SERPINB2: variants seen among roughly 807,000 people sequenced by gnomAD.
SERPINB2 encodes plasminogen activator inhibitor 2.
A neutral mutation model predicts 39.4 loss-of-function variants in SERPINB2; 28 were observed. The ratio of observed to expected loss-of-function variants is 0.71; its 90% CI spans 0.53 to 0.97. SERPINB2 has a LOEUF of 0.97. SERPINB2 is among the 50% of genes least tolerant of loss of function. The probability of loss-of-function intolerance (pLI) is 0.00; values close to 1 mark genes in which losing one functional copy is unlikely to be tolerated. For missense variants in SERPINB2, 557 were observed against 505.3 expected, an observed-to-expected ratio of 1.10 and a Z score of -0.98; for synonymous variants, 209 against 175.1, an observed-to-expected ratio of 1.19 and a Z score of -1.53.
At chr18:63,900,501 G>A (rs1366899776) in intron 5 of SERPINB2, among the ~76,000 whole-genome samples, 1 of 152,168 alleles carries the variant, frequency 6.6e-6, no homozygotes, top group Non-Finnish European at 1.5e-5. Context: ...CTGCAGAGAA[G>A]GGCTACCCCA....
chr18:63,893,758 TAAC>T (rs2049941701), intron 2 of SERPINB2, among the ~76,000 whole-genome samples: 3 of 152,216 alleles, frequency 2.0e-5, no homozygotes, highest in Non-Finnish European at 4.4e-5. Flanking sequence ...GTTGCTATAA[TAAC>T]AACCAATACT....
chr18:63,892,590 G>A (rs1193482510), intron 2 of SERPINB2: 2 of 152,184 alleles, frequency 1.3e-5, no homozygotes, highest in African/African-American at 2.4e-5. Context: ...AGATGCCGCC[G>A]GCTGGTTTCC....
At chr18:63,894,433 C>T (rs912415856) in intron 2 of SERPINB2, among the ~76,000 whole-genome samples, 2 of 152,134 alleles carry the variant, frequency 1.3e-5, no homozygotes, top group Non-Finnish European at 2.9e-5. Context: ...TAGCAGAACC[C>T]CAACCATCAA....
chr18:63,890,203 A>G (rs1234965247), intron 1 of SERPINB2: 1 of 152,132 alleles, frequency 6.6e-6, no homozygotes, highest in Non-Finnish European at 1.5e-5. Context: ...AATTCCAATC[A>G]CTTTCTTAAA....
intron 2 of SERPINB2, chr18:63,892,505 CT>C (rs1307820176): frequency 6.6e-6 from 1 of 152,218 alleles, no homozygotes; most frequent in Non-Finnish European, 1.5e-5. Context: ...ATTAAAATTC[CT>C]TTGCATTCAC....
At chr18:63,898,190 A>G (rs1363787264) in intron 5 of SERPINB2, among the ~76,000 whole-genome samples, 4 of 152,194 alleles carry the variant, frequency 2.6e-5, no homozygotes. Flanking sequence ...ACAAGGCTTG[A>G]CCCTGAGCTT....
chr18:63,902,481 G>T lies in SERPINB2; in HGVS notation c.756G>T (p.Gln252His), dbSNP rs774143314. ...NIGYIEDLKA[Q>H]ILELPYAGDV... ...GATACATAGAAGACCTAAAGGCTCA[G>T]ATTCTAGAACTCCCATATGCTGGAG... Residue 252 changes from glutamine (Q) to histidine (H), a missense_variant, in exon 7 of 8, where the codon CAG becomes CAT. Transcript: ENST00000299502. 1.9e-6 allele frequency: 3 copies of T among 1,613,600 alleles called. No homozygotes were observed. Among genetic ancestry groups the T allele is most frequent in the African/African-American group, 1.3e-5 (1 of 74,910 alleles).
intron 2 of SERPINB2, among the ~76,000 whole-genome samples, chr18:63,892,268 CACA>C (rs1262972034): frequency 6.6e-6 from 1 of 152,166 alleles, no homozygotes; most frequent in Non-Finnish European, 1.5e-5. Flanking sequence ...AGATGGGATG[CACA>C]ACATCATTGT....
rs765237886 is a variant in SERPINB2, at chr18:63,903,101, C to G, written c.1044C>G (p.Asp348Glu). 21 of 1,613,568 alleles carry G rather than the reference C, an allele frequency of 1.3e-5. No individual in the cohort carries two copies. In the Admixed American group the frequency reaches 2.8e-4, roughly 22 times the overall value. The stretch of plus-strand genomic sequence containing the variant: ...TCTCAGGGATGTCGGAGAGGAATGA[C>G]CTGTTTCTTTCTGAAGTGTTCCACC... Reference protein sequence around the residue: ...ANFSGMSERNDLFLSEVFHQA... With the variant: ...ANFSGMSERNELFLSEVFHQA... The change falls in exon 8 of 8, where the codon GAC (aspartate) becomes GAG (glutamate). Residue 348 changes from aspartate to glutamate, a missense_variant. Coordinates refer to ENST00000299502, the MANE Select transcript of SERPINB2 (RefSeq NM_002575.3).
chr18:63,888,072 A>G (rs1235184546), intron 1 of SERPINB2, among the ~76,000 whole-genome samples: 22 of 152,226 alleles, frequency 1.4e-4, no homozygotes, highest in Non-Finnish European at 3.1e-4. Flanking sequence ...TAGATTATAT[A>G]TGTTCTCTAC....
intron 1 of SERPINB2, chr18:63,889,895 A>G (rs1044699248): frequency 6.6e-6 from 1 of 152,190 alleles, no homozygotes; most frequent in African/African-American, 2.4e-5. Context: ...GCTATGCACC[A>G]CCGAGTGAAG....
rs560133768 is a variant in SERPINB2, at chr18:63,902,410, C to A, written c.685C>A (p.Arg229Ser). 7 of 1,598,960 alleles carry A rather than the reference C, an allele frequency of 4.4e-6. No homozygotes were observed. The highest frequency in any genetic ancestry group is 1.1e-5 in the South Asian group (1 of 88,660). Residue 229 changes from arginine to serine, a missense_variant, in exon 7 of 8, where the codon CGC becomes AGC. Physicochemically the swap from Arg to Ser is moderately radical, Grantham distance 110. Transcript: ENST00000299502. The stretch of plus-strand genomic sequence containing the variant: ...TACCTTTTAATAATATTAGGCTCAG[C>A]GCACACCTGTACAGATGATGTACTT... ...LYPFRVNSAQRTPVQMMYLRE... is the reference protein window; with the variant it reads ...LYPFRVNSAQSTPVQMMYLRE...
chr18:63,895,456 C>T (rs3942631), intron 3 of SERPINB2, 73 bp downstream of exon 3: 422,200 of 1,592,532 alleles, frequency 0.27, 67,552 homozygotes, highest in African/African-American at 0.73. Context: ...GCCACAGTGT[C>T]AGACTGGGAA....
intron 2 of SERPINB2, among the ~76,000 whole-genome samples, chr18:63,894,933 A>AT (rs377690463): frequency 1.7e-4 from 26 of 150,778 alleles, no homozygotes; most frequent in South Asian, 4.2e-4. Context: ...AAATACTGGC[A>AT]TTTTTTTTTC....
chr18:63,888,043 C>T (rs1010950419), intron 1 of SERPINB2, among the ~76,000 whole-genome samples: 4 of 152,100 alleles, frequency 2.6e-5, no homozygotes, highest in Non-Finnish European at 2.9e-5. Flanking sequence ...GATTGTGATG[C>T]CAATTTTATT....
intron 2 of SERPINB2, among the ~76,000 whole-genome samples, chr18:63,892,922 G>T (rs983408424): frequency 6.6e-6 from 1 of 152,000 alleles, no homozygotes; most frequent in South Asian, 2.1e-4. Context: ...CAGGTCTTAG[G>T]TTTTTTTCTT....
intron 5 of SERPINB2, among the ~76,000 whole-genome samples, chr18:63,898,662 T>C (rs1568237236): frequency 6.6e-6 from 1 of 152,190 alleles, no homozygotes; most frequent in Non-Finnish European, 1.5e-5. Context: ...TATAGAGTAG[T>C]AGTCAGTGCT....
In SERPINB2 at chr18:63,897,075, CTTCT is replaced by C; in HGVS notation, c.289-9_289-6del. On this transcript the variant is annotated splice_polypyrimidine_tract_variant and intron_variant, in intron 3 of 7. Coordinates refer to ENST00000299502, the MANE Select transcript of SERPINB2 (RefSeq NM_002575.3). ...GTTCTGTGTTATATATAAAGAATTC[CTTCT>C]TTCTTTTCAAGGCACAAGCTGCAGA... is the stretch of plus-strand genomic sequence containing the variant. 1 of 1,607,534 alleles carries C rather than the reference CTTCT, an allele frequency of 6.2e-7. No homozygotes were observed. The highest frequency in any genetic ancestry group is 8.5e-7 in the Non-Finnish European group (1 of 1,176,570).
At chr18:63,900,418 A>G (rs1306851099) in intron 5 of SERPINB2, among the ~76,000 whole-genome samples, 2 of 152,208 alleles carry the variant, frequency 1.3e-5, no homozygotes, top group East Asian at 3.9e-4. Context: ...GAAAGTATTC[A>G]AGGGTGAGCT....
Sources: allele counts gnomAD v4.1 joint callset (sites outside exome capture counted in the v4.1 genomes callset), GRCh38; gene constraint gnomAD v4.1.1; transcripts MANE v1.5; gene names NCBI Gene and HGNC (gene_info 2026-07-23, HGNC 2026-07-21).